Variants in SLC45A4 observed in about 807,000 individuals in gnomAD.
SLC45A4 encodes the protein solute carrier family 45 member 4, also known as polyamine-transporter SLC45A4.
A neutral mutation model predicts 63.7 loss-of-function variants in SLC45A4; 32 were observed. The ratio of observed to expected loss-of-function variants is 0.50; its 90% CI spans 0.38 to 0.67. The LOEUF (loss-of-function observed/expected upper bound fraction) is 0.67. Ranked by LOEUF, SLC45A4 falls within the 30% of genes least tolerant of loss-of-function variation. The probability of loss-of-function intolerance (pLI) is 0.00; values close to 1 mark genes in which losing one functional copy is unlikely to be tolerated. For synonymous variants in SLC45A4, 535 were observed against 510.0 expected, an observed-to-expected ratio of 1.05 and a Z score of -0.66; for missense variants, 1,027 against 1,157.7, an observed-to-expected ratio of 0.89 and a Z score of 1.64.
At chr8:141,264,548 C>T (rs1829181555) in intron 1 of SLC45A4, among the ~76,000 whole-genome samples, 1 of 152,134 alleles carries the variant, frequency 6.6e-6, no homozygotes, top group African/African-American at 2.4e-5. Flanking sequence ...AGCACGTGAA[C>T]TTTTGATTCG....
rs557859256 is a variant in SLC45A4 at position 141,292,008 on chromosome 8, C to T, written c.-401+16088G>A. Among the ~76,000 whole-genome samples the T allele has an allele frequency of 5.9e-5, 9 of 152,370 alleles. No homozygotes were observed. In the East Asian group the frequency reaches 1.2e-3, roughly 20 times the overall value. ...CTCAGATTCTGGGGTCTGGCCACCG[C>T]GTTGGCCCTCAGAGCTGCTGCTCCT... On this transcript the variant is annotated intron_variant, in intron 1 of 8. Coordinates refer to ENST00000517878, the MANE Select transcript of SLC45A4 (RefSeq NM_001286646.2).
intron 6 of SLC45A4, among the ~76,000 whole-genome samples, chr8:141,216,851 G>T (rs1227820181): frequency 6.6e-6 from 1 of 152,212 alleles, no homozygotes; most frequent in African/African-American, 2.4e-5. Context: ...AGGCAGGACA[G>T]GCCCCAAAAG....
rs1480693448 is a variant in SLC45A4, at chr8:141,219,740, C to T, written c.520G>A (p.Ala174Thr). ...GVVVLDFSAD[A>T]TEGPIRAYLL... ...TAGGCACGGATGGGCCCCTCGGTGG[C>T]ATCGGCGCTGAAGTCCAGGACCACC... is the stretch of plus-strand genomic sequence containing the variant. Residue 174 changes from alanine (A) to threonine (T), a missense_variant, in exon 4 of 9, where the codon GCC becomes ACC. Coordinates refer to ENST00000517878, the MANE Select transcript of SLC45A4 (RefSeq NM_001286646.2). The T allele has an allele frequency of 3.1e-6, 5 of 1,605,308 alleles. No individual in the cohort carries two copies. The highest frequency in any genetic ancestry group is 4.3e-6 in the Non-Finnish European group (5 of 1,176,418).
At chr8:141,264,494 GCTGTCCTAATAATT>G (rs1161389045) in intron 1 of SLC45A4, among the ~76,000 whole-genome samples, 3 of 152,156 alleles carry the variant, frequency 2.0e-5, no homozygotes, top group African/African-American at 7.2e-5. Context: ...CCCCATCAGT[GCTGTCCTAATAATT>G]CTCTCATGTT....
intron 1 of SLC45A4, among the ~76,000 whole-genome samples, chr8:141,257,046 G>A (rs556072274): frequency 5.3e-5 from 8 of 152,158 alleles, no homozygotes; most frequent in Non-Finnish European, 1.2e-4. Context: ...TAGACACAGG[G>A]TTTCACCATG....
Position 141,227,774 on chromosome 8 carries a change from G to A in SLC45A4, c.242-6009C>T, listed in dbSNP as rs1005390085. 3.3e-5 allele frequency among the ~76,000 whole-genome samples: 5 copies of A among 152,222 alleles called. No individual in the cohort carries two copies. The South Asian group carries it at 1.0e-3, about 32-fold the overall frequency. ...AGGGAGGGGGTGAAAAGAGGGGCAA[G>A]CTCAGGTGCTTTTCCTGAGCCTACT... On this transcript the variant is annotated intron_variant, in intron 2 of 8. Transcript: ENST00000517878. The surrounding 1 kb of genome is among the most constrained non-coding windows in gnomAD (Gnocchi z 4.4).
chr8:141,244,260 G>C (rs545794700), intron 2 of SLC45A4, among the ~76,000 whole-genome samples: 9 of 152,292 alleles, frequency 5.9e-5, no homozygotes, highest in South Asian at 2.1e-4. Flanking sequence ...TCCTCCAAGC[G>C]AGCAGCTCCA....
In SLC45A4 at chr8:141,219,006, C is replaced by T. The variant is rs747821881; in HGVS notation, c.634G>A (p.Val212Met). 75 of 1,612,086 alleles carry T rather than the reference C, an allele frequency of 4.7e-5. No homozygotes were observed. The Admixed American group carries it at 8.8e-4, about 19-fold the overall frequency. The change falls in exon 5 of 9, where the codon GTG becomes ATG. Residue 212 changes from valine to methionine, a missense_variant. Transcript: ENST00000517878. ...SAGLGGAIGY[V>M]LGGLDWTQTF... ...TGGGTCCAGTCCAGCCCACCCAGCA[C>T]GTAGCCGATGGCTCCGCCGAGGCCT... is the stretch of plus-strand genomic sequence containing the variant.
chr8:141,217,478 C>T lies in SLC45A4; in HGVS notation c.1630-289G>A, dbSNP rs549714357. Among the ~76,000 whole-genome samples, 11 of 152,354 alleles carry T rather than the reference C, an allele frequency of 7.2e-5. No individual in the cohort carries two copies. The South Asian group carries it at 1.9e-3, about 26-fold the overall frequency. On this transcript the variant is annotated intron_variant, in intron 5 of 8. Coordinates refer to ENST00000517878, the MANE Select transcript of SLC45A4 (RefSeq NM_001286646.2). ...GGCTGGTCTGGACTTGCAGAAGTGA[C>T]GCTCCCGCAGCCTCTGCCGTGGCCC...
In SLC45A4 at chr8:141,254,119, C is replaced by T; in HGVS notation, c.111G>A (p.Glu37=). ...GGTCTATGGACCCCTCGCTGATGGTCTCGCAGTTCTCGGCCTCTGCGCCTC... is the reference window on the plus strand; with the variant it reads ...GGTCTATGGACCCCTCGCTGATGGTTTCGCAGTTCTCGGCCTCTGCGCCTC... The part of the protein sequence containing the change: ...KAGGAEAENC[E]TISEGSIDRI... Residue 37 remains glutamate (E), a synonymous_variant, in exon 2 of 9, where the codon GAG becomes GAA. Transcript: ENST00000517878. The surrounding 1 kb of genome is among the most constrained non-coding windows in gnomAD (Gnocchi z 4.5). The T allele has an allele frequency of 1.3e-6, 2 of 1,536,200 alleles. No individual in the cohort carries two copies. Among genetic ancestry groups the T allele is most frequent in the South Asian group, 1.2e-5 (1 of 84,062 alleles).
Position 141,215,596 on chromosome 8 carries a change from T to C in SLC45A4, c.1941+163A>G, listed in dbSNP as rs1322318613. On this transcript the variant is annotated intron_variant, in intron 7 of 8. Coordinates refer to ENST00000517878, the MANE Select transcript of SLC45A4 (RefSeq NM_001286646.2). The surrounding 1 kb of genome is among the most constrained non-coding windows in gnomAD (Gnocchi z 4.3). ...TGGCCAGGGACCGATCAGGGGCAGG[T>C]GGTGGCTCTGTGGGCTTTGGAAGGG... Among the ~76,000 whole-genome samples, 3 of 151,744 alleles carry C rather than the reference T, an allele frequency of 2.0e-5. No individual in the cohort carries two copies. Among genetic ancestry groups the C allele is most frequent in the Non-Finnish European group, 2.9e-5 (2 of 67,926 alleles).
intron 1 of SLC45A4, among the ~76,000 whole-genome samples, chr8:141,279,607 T>C (rs1829859759): frequency 6.6e-6 from 1 of 152,182 alleles, no homozygotes. Flanking sequence ...CCGAGAAGCC[T>C]GCCAATCATG....
intron 1 of SLC45A4, among the ~76,000 whole-genome samples, chr8:141,272,171 A>G (rs556247876): frequency 6.6e-6 from 1 of 152,386 alleles, no homozygotes; most frequent in East Asian, 1.9e-4. Context: ...TCAAAACTAT[A>G]TAAAGACAGG....
At chr8:141,302,965 ATTTTCTTG>A (rs1342161171) in intron 1 of SLC45A4, among the ~76,000 whole-genome samples, 5 of 145,340 alleles carry the variant, frequency 3.4e-5, no homozygotes, top group South Asian at 4.4e-4. Flanking sequence ...GTTTTTTCTT[ATTTTCTTG>A]TTTTCTGGCC....
Position 141,211,717 on chromosome 8 carries a change from T to TA in SLC45A4, c.2302-21dup. ...AGGCGTCTACAGAGAGGAAATTTGA[T>TA]AAAAATATTTTAGTCACTGACTACA... is the stretch of plus-strand genomic sequence containing the variant. On this transcript the variant is annotated intron_variant, in intron 8 of 8. Coordinates refer to ENST00000517878, the MANE Select transcript of SLC45A4 (RefSeq NM_001286646.2). 2 of 1,516,568 alleles carry TA rather than the reference T, an allele frequency of 1.3e-6. No homozygotes were observed. Among genetic ancestry groups the TA allele is most frequent in the Non-Finnish European group, 1.8e-6 (2 of 1,134,910 alleles). 93.9% of individuals were successfully genotyped at this position (1,516,568 alleles called of 1,614,324 possible).
At chr8:141,291,404 A>T (rs1041723978) in intron 1 of SLC45A4, among the ~76,000 whole-genome samples, 1 of 152,126 alleles carries the variant, frequency 6.6e-6, no homozygotes, top group African/African-American at 2.4e-5. Flanking sequence ...TTTTTTTTTA[A>T]ATCAGTCCTC....
Position 141,218,250 on chromosome 8 carries a change from G to T in SLC45A4, c.1390C>A (p.Arg464=), listed in dbSNP as rs763910561. 4 of 1,602,220 alleles carry T rather than the reference G, an allele frequency of 2.5e-6. No homozygotes were observed. The highest frequency in any genetic ancestry group is 2.5e-6 in the Non-Finnish European group (3 of 1,179,648). Residue 464 remains arginine, a synonymous_variant, in exon 5 of 9, where the codon CGG becomes AGG. Transcript: ENST00000517878. ...SMSDLYDMQK[R]QRQHRHRNQS... is the part of the protein sequence containing the mutation. ...TTCCGGTGCCGGTGCTGCCGCTGCC[G>T]CTTCTGCATGTCGTACAGGTCGCTC...
chr8:141,207,407 AAG>A lies in SLC45A4; in HGVS notation c.*4163_*4164del, dbSNP rs776535365. On this transcript the variant is annotated 3_prime_UTR_variant, in exon 9 of 9. Transcript: ENST00000517878. The stretch of plus-strand genomic sequence containing the variant: ...GAGGCCACTGTTACCCAACTAATAG[AAG>A]AGAGTCATGAGCGACACGACACTTC... The A allele has an allele frequency of 6.6e-6, 1 of 152,114 alleles. No individual in the cohort carries two copies. Among genetic ancestry groups the A allele is most frequent in the African/African-American group, 2.4e-5 (1 of 41,382 alleles). The allele number at this position is 152,114 out of a possible 1,614,324, so 9.4% of individuals were successfully genotyped here.
intron 1 of SLC45A4, among the ~76,000 whole-genome samples, chr8:141,270,200 G>A (rs1465973935): frequency 1.3e-5 from 2 of 151,944 alleles, no homozygotes; most frequent in African/African-American, 2.4e-5. Context: ...AGTGCTAAAG[G>A]CAGAGGGGCC....
Sources: gnomAD v4.1 joint callset for allele counts (sites outside exome capture counted in the v4.1 genomes callset) on GRCh38, gnomAD v4.1.1 for gene constraint, Gnocchi (gnomAD v3.1) non-coding constraint, MANE v1.5 for transcripts, NCBI Gene and HGNC (gene_info 2026-07-23, HGNC 2026-07-21) for gene names.